Variants in TRAPPC9 observed in about 807,000 individuals in gnomAD.
TRAPPC9 encodes the protein trafficking protein particle complex subunit 9.
A neutral mutation model predicts 124.0 loss-of-function variants in TRAPPC9; 83 were observed. The ratio of observed to expected loss-of-function variants is 0.67; its 90% CI spans 0.56 to 0.80. TRAPPC9 has a LOEUF of 0.80. TRAPPC9 is among the 30% of genes least tolerant of loss of function. The probability of loss-of-function intolerance (pLI) is 0.00; values close to 1 mark genes in which losing one functional copy is unlikely to be tolerated. For missense variants in TRAPPC9, 1,302 were observed against 1,508.3 expected (o/e 0.86, Z 2.27); for synonymous variants, 638 against 617.5 (o/e 1.03, Z -0.49).
intron 20 of TRAPPC9, among the ~76,000 whole-genome samples, chr8:139,896,645 C>T (rs892836408): frequency 3.3e-5 from 5 of 152,206 alleles, no homozygotes; most frequent in African/African-American, 4.8e-5. Context: ...AGAGATTATT[C>T]GATATGTTGT....
intron 21 of TRAPPC9, among the ~76,000 whole-genome samples, chr8:139,806,448 G>C (rs1209189505): frequency 6.6e-6 from 1 of 152,154 alleles, no homozygotes; most frequent in Non-Finnish European, 1.5e-5. Flanking sequence ...GTTTCCACTC[G>C]GGGCTCAGCG....
At chr8:140,032,321 C>T (rs1241633730) in intron 17 of TRAPPC9, among the ~76,000 whole-genome samples, 1 of 152,226 alleles carries the variant, frequency 6.6e-6, no homozygotes, top group Admixed American at 6.5e-5. Context: ...CTGTAACCAC[C>T]TTATTAGTTT....
chr8:140,343,547 A>C (rs1190525211), intron 9 of TRAPPC9, among the ~76,000 whole-genome samples: 1 of 152,232 alleles, frequency 6.6e-6, no homozygotes. Flanking sequence ...GTGACTCTGC[A>C]CATTTCACTT....
At position 140,146,864 on chromosome 8, in the gene TRAPPC9, C is replaced by CAAA. The variant is rs11460861; in HGVS notation, c.2556+74592_2556+74594dup. 3.5e-3 allele frequency among the ~76,000 whole-genome samples: 443 copies of CAAA among 125,178 alleles called. 4 individuals are homozygous for CAAA. Among genetic ancestry groups the CAAA allele is most frequent in the African/African-American group, 0.012 (421 of 36,564 alleles). The allele number at this position is 125,178 out of a possible 152,430, so 82.1% of individuals were successfully genotyped here. On this transcript the variant is annotated intron_variant, in intron 17 of 22. Transcript: ENST00000438773. The stretch of plus-strand genomic sequence containing the variant: ...TATCTATGAGCCTCAGTTTTCTAAC[C>CAAA]AAAAAAAAAAAAAAAGGCAGGGAAA...
intron 17 of TRAPPC9, among the ~76,000 whole-genome samples, chr8:140,214,236 A>C (rs933020631): frequency 2.6e-5 from 4 of 152,284 alleles, no homozygotes; most frequent in Non-Finnish European, 5.9e-5. Flanking sequence ...GACATGTTTT[A>C]GGCACGTCAT....
intron 9 of TRAPPC9, among the ~76,000 whole-genome samples, chr8:140,359,341 G>A (rs2067860975): frequency 6.6e-6 from 1 of 152,198 alleles, no homozygotes; most frequent in Admixed American, 6.5e-5. Context: ...AAGGAGGAAG[G>A]CAGGTTTGGG....
Position 140,353,621 on chromosome 8 carries a change from A to C in TRAPPC9, c.1495+6429T>G, listed in dbSNP as rs371662577. Among the ~76,000 whole-genome samples, 6 of 152,316 alleles carry C rather than the reference A, an allele frequency of 3.9e-5. No homozygotes were observed. In the East Asian group the frequency reaches 5.8e-4, roughly 15 times the overall value. On this transcript the variant is annotated intron_variant, in intron 9 of 22. Transcript: ENST00000438773. The surrounding 1 kb of genome is among the most constrained non-coding windows in gnomAD (Gnocchi z 4.2). ...ACTGTAAATTCATCCTGAAACGGCCAGCGCAAGGATGACCATCAGGCCGCG... is the reference window on the plus strand; with the variant it reads ...ACTGTAAATTCATCCTGAAACGGCCCGCGCAAGGATGACCATCAGGCCGCG...
At chr8:139,809,701 G>A (rs1302374527) in intron 21 of TRAPPC9, among the ~76,000 whole-genome samples, 1 of 151,984 alleles carries the variant, frequency 6.6e-6, no homozygotes, top group East Asian at 1.9e-4. Context: ...GTCCCCAGAT[G>A]ACAGCCAGCA....
chr8:140,297,524 TGCA>T (rs1563925866), intron 11 of TRAPPC9, among the ~76,000 whole-genome samples: 1 of 152,232 alleles, frequency 6.6e-6, no homozygotes, highest in African/African-American at 2.4e-5. Context: ...CAGTATTGAC[TGCA>T]GTTTTTCAAG....
chr8:139,769,844 A>G (rs1207371471), intron 21 of TRAPPC9, among the ~76,000 whole-genome samples: 1 of 152,264 alleles, frequency 6.6e-6, no homozygotes, highest in Non-Finnish European at 1.5e-5. Flanking sequence ...AAAAAGAAGA[A>G]GAAATACATA....
chr8:139,800,154 C>A (rs1025562938), intron 21 of TRAPPC9, among the ~76,000 whole-genome samples: 1 of 152,262 alleles, frequency 6.6e-6, no homozygotes, highest in Non-Finnish European at 1.5e-5. Context: ...GCCGCTGGGG[C>A]GCCTTTGGCT....
intron 7 of TRAPPC9, among the ~76,000 whole-genome samples, chr8:140,396,944 T>C (rs1563997249): frequency 6.7e-6 from 1 of 148,282 alleles, no homozygotes; most frequent in African/African-American, 2.5e-5. Flanking sequence ...CAGCTCTCTT[T>C]CCCCCACCCT....
At chr8:139,938,783 C>T (rs1833707701) in intron 19 of TRAPPC9, among the ~76,000 whole-genome samples, 2 of 150,752 alleles carry the variant, frequency 1.3e-5, no homozygotes, top group Non-Finnish European at 1.5e-5. Context: ...GTAGCTGGGA[C>T]TACAGGCGCC....
At chr8:139,753,401 C>T (rs1819497844) in intron 21 of TRAPPC9, among the ~76,000 whole-genome samples, 1 of 152,218 alleles carries the variant, frequency 6.6e-6, no homozygotes, top group Non-Finnish European at 1.5e-5. Context: ...CCCATCTATC[C>T]ATCCCTCATC....
chr8:139,880,780 A>C (rs750804628), intron 21 of TRAPPC9, among the ~76,000 whole-genome samples: 1 of 152,272 alleles, frequency 6.6e-6, no homozygotes, highest in Non-Finnish European at 1.5e-5. Flanking sequence ...AGATATGATA[A>C]TAGTGAGATA....
chr8:140,454,770 C>A (rs1337696692), intron 1 of TRAPPC9, among the ~76,000 whole-genome samples: 1 of 151,208 alleles, frequency 6.6e-6, no homozygotes, highest in Non-Finnish European at 1.5e-5. Flanking sequence ...AAAACCCTTT[C>A]TCTACTAAAA....
chr8:139,839,668 C>T (rs918711308), intron 21 of TRAPPC9, among the ~76,000 whole-genome samples: 6 of 152,224 alleles, frequency 3.9e-5, no homozygotes, highest in Admixed American at 6.5e-5. Flanking sequence ...CTTCCCACTG[C>T]TTGTTTCCTA....
At chr8:140,065,537 G>A (rs895569159) in intron 17 of TRAPPC9, among the ~76,000 whole-genome samples, 2 of 152,204 alleles carry the variant, frequency 1.3e-5, no homozygotes, top group African/African-American at 2.4e-5. Context: ...GGCTAATGCA[G>A]CTGGTGACTT....
At chr8:140,354,023 G>A (rs183598120) in intron 9 of TRAPPC9, among the ~76,000 whole-genome samples, 5 of 152,360 alleles carry the variant, frequency 3.3e-5, no homozygotes, top group Non-Finnish European at 2.9e-5. Context: ...CAATGTGACA[G>A]TAATGGAAAC....
Sources: allele counts gnomAD v4.1 joint callset (sites outside exome capture counted in the v4.1 genomes callset), GRCh38; gene constraint gnomAD v4.1.1; non-coding constraint Gnocchi (gnomAD v3.1); transcripts MANE v1.5; gene names NCBI Gene and HGNC (gene_info 2026-07-23, HGNC 2026-07-21).